The following SHANK2 variants were observed in gnomAD, a reference collection of about 807,000 sequenced individuals.
The protein encoded by SHANK2 is SH3 and multiple ankyrin repeat domains 2, also known as SH3 and multiple ankyrin repeat domains protein 2.
SHANK2 carries 43 observed loss-of-function variants against 133.7 expected under a neutral mutation model. The observed-to-expected ratio is 0.32, with a 90% CI of 0.25 to 0.41. The LOEUF is 0.41. Ranked by LOEUF, SHANK2 falls within the 10% of genes least tolerant of loss-of-function variation. SHANK2 has a pLI of 1.00. For missense variants in SHANK2, 1,994 were observed against 2,235.8 expected, an observed-to-expected ratio of 0.89 and a Z score of 2.18; for synonymous variants, 1,017 against 952.8, an observed-to-expected ratio of 1.07 and a Z score of -1.24.
chr11:70,534,620 CCT>C (rs1267838306), intron 17 of SHANK2, among the ~76,000 whole-genome samples: 3 of 152,158 alleles, frequency 2.0e-5, no homozygotes, highest in Admixed American at 6.5e-5. Context: ...TGGTCTTGCC[CCT>C]GAGCCAGGCT....
At chr11:71,121,516 G>A (rs1952083974) in intron 3 of SHANK2, among the ~76,000 whole-genome samples, 1 of 152,168 alleles carries the variant, frequency 6.6e-6, no homozygotes, top group East Asian at 1.9e-4. Flanking sequence ...TCTGTAGATT[G>A]CCTGTTCACT....
intron 14 of SHANK2, among the ~76,000 whole-genome samples, chr11:70,751,107 G>A (rs903429672): frequency 6.6e-6 from 1 of 152,140 alleles, no homozygotes; most frequent in Non-Finnish European, 1.5e-5. Context: ...TAGTGACCTT[G>A]AAGACAGATC....
At chr11:70,719,130 G>A (rs1555028303) in intron 14 of SHANK2, among the ~76,000 whole-genome samples, 3 of 152,218 alleles carry the variant, frequency 2.0e-5, no homozygotes, top group South Asian at 2.1e-4. Context: ...TCGCCGTGGC[G>A]CAGTGAACGC....
At chr11:70,925,096 A>C (rs1313741863) in intron 10 of SHANK2, among the ~76,000 whole-genome samples, 5 of 152,180 alleles carry the variant, frequency 3.3e-5, no homozygotes, top group African/African-American at 1.2e-4. Context: ...TCGACACTGC[A>C]GAGGGGAGTA....
chr11:70,907,315 A>G, intron 10 of SHANK2, among the ~76,000 whole-genome samples: 1 of 152,102 alleles, frequency 6.6e-6, no homozygotes, highest in Middle Eastern at 3.2e-3. Flanking sequence ...TCCAGCCCTC[A>G]GCACCCCTCC....
intron 15 of SHANK2, among the ~76,000 whole-genome samples, chr11:70,665,419 C>T (rs1162569535): frequency 1.3e-5 from 2 of 152,124 alleles, no homozygotes; most frequent in South Asian, 2.1e-4. Flanking sequence ...GGATTATAGA[C>T]GTGAGCCACC....
At chr11:70,945,465 G>T (rs1258008772) in intron 10 of SHANK2, among the ~76,000 whole-genome samples, 1 of 152,182 alleles carries the variant, frequency 6.6e-6, no homozygotes, top group Non-Finnish European at 1.5e-5. Context: ...CCTCCAATAC[G>T]CTGAGCTCCG....
intron 10 of SHANK2, among the ~76,000 whole-genome samples, chr11:70,915,085 A>G (rs1555079662): frequency 6.6e-6 from 1 of 152,146 alleles, no homozygotes; most frequent in Non-Finnish European, 1.5e-5. Flanking sequence ...GGTGAAGCCG[A>G]CAGCTATTGG....
At chr11:71,123,499 C>G (rs549769016) in intron 3 of SHANK2, among the ~76,000 whole-genome samples, 159 of 152,156 alleles carry the variant, frequency 1.0e-3, no homozygotes, top group African/African-American at 3.8e-3. Flanking sequence ...AGGTTGAGGG[C>G]CCATCATAAG....
At chr11:70,929,600 C>A (rs1950474938) in intron 10 of SHANK2, among the ~76,000 whole-genome samples, 2 of 152,198 alleles carry the variant, frequency 1.3e-5, no homozygotes, top group South Asian at 4.1e-4. Context: ...CTCTCTCCGA[C>A]CTCCGTGCCT....
At chr11:71,106,234 G>A (rs1555097891) in intron 6 of SHANK2, among the ~76,000 whole-genome samples, 1 of 152,236 alleles carries the variant, frequency 6.6e-6, no homozygotes, top group African/African-American at 2.4e-5. Flanking sequence ...AAGAAGCAAA[G>A]CTGGTTCATA....
chr11:71,204,376 G>A (rs562549483), intron 2 of SHANK2, among the ~76,000 whole-genome samples: 1 of 152,280 alleles, frequency 6.6e-6, no homozygotes, highest in Non-Finnish European at 1.5e-5. Context: ...TGTCCCACGG[G>A]GAGGTAACAG....
chr11:71,152,952 C>A (rs1555108379), intron 2 of SHANK2, among the ~76,000 whole-genome samples: 1 of 152,216 alleles, frequency 6.6e-6, no homozygotes, highest in African/African-American at 2.4e-5. Flanking sequence ...ATCTGCATTT[C>A]AGACAAACAA....
chr11:71,251,513 G>T (rs143262091), intron 1 of SHANK2, among the ~76,000 whole-genome samples: 10,588 of 151,804 alleles, frequency 0.07, 425 homozygotes, highest in Middle Eastern at 0.13. Flanking sequence ...GGGGCCACCC[G>T]GTGGAGGCGC....
intron 15 of SHANK2, 91 bp downstream of exon 15, chr11:70,698,597 G>A (rs990222920): frequency 1.4e-6 from 1 of 713,772 alleles, no homozygotes; most frequent in South Asian, 1.5e-5. Context: ...CGAGGGGCCT[G>A]AAAGCTGCAT....
chr11:70,515,533 G>A (rs2059252538), intron 17 of SHANK2, among the ~76,000 whole-genome samples: 1 of 150,812 alleles, frequency 6.6e-6, no homozygotes, highest in South Asian at 2.1e-4. Context: ...CCGGAGCGGT[G>A]GCTCATGTCT....
chr11:71,087,345 G>C (rs962996641), intron 8 of SHANK2, among the ~76,000 whole-genome samples: 1 of 152,190 alleles, frequency 6.6e-6, no homozygotes, highest in Non-Finnish European at 1.5e-5. Flanking sequence ...GGAAAAAGGA[G>C]GGGTGTGGGA....
At chr11:70,846,914 C>T (rs1478557614) in intron 11 of SHANK2, among the ~76,000 whole-genome samples, 3 of 152,168 alleles carry the variant, frequency 2.0e-5, no homozygotes, top group Admixed American at 1.3e-4. Context: ...GGTTCAAGGC[C>T]CGTGGTGCTA....
At chr11:71,077,137 C>T (rs1468721451) in intron 8 of SHANK2, among the ~76,000 whole-genome samples, 2 of 152,174 alleles carry the variant, frequency 1.3e-5, no homozygotes, top group Non-Finnish European at 2.9e-5. Flanking sequence ...CTCCCCTCAC[C>T]CAGTCGTTTG....
Sources: allele counts gnomAD v4.1 joint callset (sites outside exome capture counted in the v4.1 genomes callset), GRCh38; gene constraint gnomAD v4.1.1; transcripts MANE v1.5; gene names NCBI Gene and HGNC (gene_info 2026-07-23, HGNC 2026-07-21).